The following ITGA9 variants were observed in gnomAD, a reference collection of about 807,000 sequenced individuals.
ITGA9 encodes the protein integrin subunit alpha 9, also known as integrin alpha-9.
A neutral mutation model predicts 127.8 loss-of-function variants in ITGA9; 56 were observed. The observed-to-expected ratio is 0.44, with a 90% CI of 0.35 to 0.55. The LOEUF (loss-of-function observed/expected upper bound fraction) is 0.55. Ranked by LOEUF, ITGA9 falls within the 20% of genes least tolerant of loss-of-function variation. The pLI is 0.00. For synonymous variants in ITGA9, 508 were observed against 514.5 expected (o/e 0.99, Z 0.17); for missense variants, 1,196 against 1,347.1 (o/e 0.89, Z 1.76).
At chr3:37,794,892 A>T (rs1212439942) in intron 26 of ITGA9, among the ~76,000 whole-genome samples, 1 of 152,208 alleles carries the variant, frequency 6.6e-6, no homozygotes, top group Non-Finnish European at 1.5e-5. Flanking sequence ...TGTCGTCTCC[A>T]TAAGTCTCCC....
intron 1 of ITGA9, among the ~76,000 whole-genome samples, chr3:37,460,949 T>C (rs148998954): frequency 7.5e-4 from 114 of 152,200 alleles, no homozygotes; most frequent in African/African-American, 2.5e-3. Context: ...CCATCTTAGC[T>C]GATCTGTTGG....
chr3:37,466,089 C>A (rs1579042907), intron 1 of ITGA9, among the ~76,000 whole-genome samples: 1 of 152,218 alleles, frequency 6.6e-6, no homozygotes, highest in South Asian at 2.1e-4. Context: ...TTGATCCTGC[C>A]CGCAATGAGC....
chr3:37,670,722 T>C (rs899987713), intron 17 of ITGA9, among the ~76,000 whole-genome samples: 1 of 152,234 alleles, frequency 6.6e-6, no homozygotes, highest in Non-Finnish European at 1.5e-5. Context: ...TAAAGCATAT[T>C]GCTAAACTAC....
chr3:37,729,267 A>G (rs1487322047), intron 18 of ITGA9, among the ~76,000 whole-genome samples: 5 of 152,132 alleles, frequency 3.3e-5, no homozygotes, highest in Admixed American at 6.6e-5. Flanking sequence ...CAGTATAAAC[A>G]GCTATGTTGG....
chr3:37,670,230 T>C (rs937013763), intron 17 of ITGA9, among the ~76,000 whole-genome samples: 3 of 152,096 alleles, frequency 2.0e-5, no homozygotes, highest in Non-Finnish European at 4.4e-5. Flanking sequence ...GGTGGTAGAA[T>C]TGAGGTGAAT....
intron 1 of ITGA9, among the ~76,000 whole-genome samples, chr3:37,457,581 G>A (rs932928411): frequency 6.6e-6 from 1 of 151,770 alleles, no homozygotes; most frequent in African/African-American, 2.4e-5. Flanking sequence ...GTGTAGGTCC[G>A]CTTCCTCATT....
chr3:37,613,538 C>T (rs1164157786), intron 15 of ITGA9, among the ~76,000 whole-genome samples: 3 of 152,208 alleles, frequency 2.0e-5, no homozygotes, highest in African/African-American at 7.2e-5. Flanking sequence ...GGAATCACCA[C>T]ACTGACTTCC....
intron 18 of ITGA9, among the ~76,000 whole-genome samples, chr3:37,712,671 C>T (rs908711431): frequency 6.6e-6 from 1 of 152,202 alleles, no homozygotes; most frequent in African/African-American, 2.4e-5. Context: ...CGTTCTCAAA[C>T]AGGCTCTCTG....
chr3:37,485,695 C>A (rs1180115687), intron 4 of ITGA9, among the ~76,000 whole-genome samples: 2 of 152,126 alleles, frequency 1.3e-5, no homozygotes, highest in African/African-American at 4.8e-5. Context: ...CTTTTGAATT[C>A]TTAAAAAATT....
At chr3:37,724,451 C>T (rs1256381619) in intron 18 of ITGA9, among the ~76,000 whole-genome samples, 1 of 152,142 alleles carries the variant, frequency 6.6e-6, no homozygotes, top group Non-Finnish European at 1.5e-5. Flanking sequence ...TAGTTTTTCC[C>T]CCTCTATTAA....
chr3:37,716,962 T>C (rs141960156), intron 18 of ITGA9, among the ~76,000 whole-genome samples: 137 of 152,334 alleles, frequency 9.0e-4, no homozygotes, highest in Middle Eastern at 3.4e-3. Flanking sequence ...CTTGTTCTAA[T>C]TGCGTATTGA....
At chr3:37,655,595 C>T (rs1389975980) in intron 17 of ITGA9, among the ~76,000 whole-genome samples, 1 of 151,788 alleles carries the variant, frequency 6.6e-6, no homozygotes, top group African/African-American at 2.4e-5. Context: ...GGATATTAGC[C>T]CTTTGTCAGA....
chr3:37,755,717 T>A (rs183854702), intron 23 of ITGA9, among the ~76,000 whole-genome samples: 1 of 152,304 alleles, frequency 6.6e-6, no homozygotes, highest in Non-Finnish European at 1.5e-5. Flanking sequence ...TTCCTTTTTT[T>A]AAATAGCAAT....
At chr3:37,691,167 C>T (rs1239583780) in intron 18 of ITGA9, among the ~76,000 whole-genome samples, 3 of 152,180 alleles carry the variant, frequency 2.0e-5, no homozygotes, top group Non-Finnish European at 4.4e-5. Context: ...GGCTGGAGCA[C>T]CCTGAGAGTG....
chr3:37,803,293 A>G (rs1436071931), intron 26 of ITGA9, among the ~76,000 whole-genome samples: 2 of 152,044 alleles, frequency 1.3e-5, no homozygotes, highest in Non-Finnish European at 2.9e-5. Flanking sequence ...TGTCATTACA[A>G]CCCTTTCAAG....
At chr3:37,715,051 A>G (rs1339980221) in intron 18 of ITGA9, among the ~76,000 whole-genome samples, 1 of 152,216 alleles carries the variant, frequency 6.6e-6, no homozygotes, top group African/African-American at 2.4e-5. Flanking sequence ...TGTTCATCCT[A>G]GCAAAATGTT....
At chr3:37,588,837 G>T (rs1028504304) in intron 15 of ITGA9, among the ~76,000 whole-genome samples, 1 of 152,200 alleles carries the variant, frequency 6.6e-6, no homozygotes, top group Admixed American at 6.5e-5. Context: ...AGCCCTGGGG[G>T]TCCTTAGTTT....
intron 15 of ITGA9, among the ~76,000 whole-genome samples, chr3:37,551,247 C>G (rs933449090): frequency 1.8e-4 from 28 of 152,088 alleles, no homozygotes; most frequent in African/African-American, 6.8e-4. Context: ...ATTTTTCACC[C>G]TCATTCCGTG....
chr3:37,551,334 T>C (rs1699376583), intron 15 of ITGA9, among the ~76,000 whole-genome samples: 1 of 152,198 alleles, frequency 6.6e-6, no homozygotes, highest in Non-Finnish European at 1.5e-5. Context: ...TGAAGACGCA[T>C]GAATTGCTGA....
Sources: allele counts gnomAD v4.1 joint callset (sites outside exome capture counted in the v4.1 genomes callset), GRCh38; gene constraint gnomAD v4.1.1; transcripts MANE v1.5; gene names NCBI Gene and HGNC (gene_info 2026-07-23, HGNC 2026-07-21).